The following CPNE4 variants were observed in gnomAD, a reference collection of about 807,000 sequenced individuals.
CPNE4 encodes the protein copine 4, also known as copine-4.
Under a neutral mutation model 67.9 loss-of-function variants are expected in CPNE4, and 25 were observed. The ratio of observed to expected loss-of-function variants is 0.37; its 90% confidence interval spans 0.27 to 0.51. The LOEUF is 0.51. CPNE4 is among the 20% of genes least tolerant of loss of function. The probability of loss-of-function intolerance (pLI) is 0.93; values close to 1 mark genes in which losing one functional copy is unlikely to be tolerated. For synonymous variants in CPNE4, 242 were observed against 244.9 expected, an observed-to-expected ratio of 0.99 and a Z score of 0.11; for missense variants, 464 against 690.8, an observed-to-expected ratio of 0.67 and a Z score of 3.68.
intron 2 of CPNE4, among the ~76,000 whole-genome samples, chr3:131,754,059 G>T (rs2082694264): frequency 6.6e-6 from 1 of 152,098 alleles, no homozygotes; most frequent in Non-Finnish European, 1.5e-5. Context: ...ATAGGCAGGA[G>T]AATAATGGGT....
At chr3:132,030,080 C>T (rs982988777) in intron 1 of CPNE4, among the ~76,000 whole-genome samples, 3 of 151,672 alleles carry the variant, frequency 2.0e-5, no homozygotes, top group Admixed American at 1.3e-4. Flanking sequence ...AAGTCCCAAG[C>T]CTACTCCTCC....
chr3:131,688,885 C>A (rs1168942910), intron 5 of CPNE4, among the ~76,000 whole-genome samples: 1 of 152,094 alleles, frequency 6.6e-6, no homozygotes, highest in Non-Finnish European at 1.5e-5. Context: ...ATTTTGTAAT[C>A]ATGATCTATG....
chr3:131,908,786 C>T lies in CPNE4; in HGVS notation c.-1-3342G>A, dbSNP rs140996621. The stretch of plus-strand genomic sequence containing the variant: ...CTCTGTCAAGGAGACACATAATTCC[C>T]GATTCAAATCCTGACTCCTCCATTC... On this transcript the variant is annotated intron_variant, in intron 1 of 15. Coordinates refer to ENST00000429747, the MANE Select transcript of CPNE4 (RefSeq NM_130808.3). Among the ~76,000 whole-genome samples, 547 of 152,212 alleles carry T rather than the reference C, an allele frequency of 3.6e-3. 5 individuals are homozygous for T. Among genetic ancestry groups the T allele is most frequent in the African/African-American group, 0.012 (511 of 41,558 alleles).
rs544909456 is a variant in CPNE4, at chr3:131,987,672, C to T, written c.-2+46895G>A. 5.3e-5 allele frequency among the ~76,000 whole-genome samples: 8 copies of T among 152,164 alleles called. No individual in the cohort carries two copies. The South Asian group carries it at 1.0e-3, about 20-fold the overall frequency. ...CAAAGTGCTGGGATTAGAATAAATA[C>T]CAGGCACCATGCCCAGCCAAGTTGT... On this transcript the variant is annotated intron_variant, in intron 1 of 15. Coordinates refer to ENST00000429747, the MANE Select transcript of CPNE4 (RefSeq NM_130808.3).
At chr3:132,037,388 G>T (rs967156256), upstream of CPNE4, among the ~76,000 whole-genome samples, 2 of 152,176 alleles carry the variant, frequency 1.3e-5, no homozygotes, top group African/African-American at 4.8e-5. Flanking sequence ...ACATAAAGCA[G>T]AATTTACTTC....
At chr3:131,951,688 G>C (rs533998121) in intron 1 of CPNE4, among the ~76,000 whole-genome samples, 232 of 152,266 alleles carry the variant, frequency 1.5e-3, no homozygotes, top group African/African-American at 3.5e-3. Context: ...TCAGCCTGCC[G>C]AGTGCCTGCG....
chr3:131,744,877 G>A (rs530320590), intron 2 of CPNE4, among the ~76,000 whole-genome samples: 2 of 152,134 alleles, frequency 1.3e-5, no homozygotes, highest in Admixed American at 1.3e-4. Flanking sequence ...TACTGCAGAT[G>A]GGGGGTGTTA....
At chr3:131,803,266 G>A (rs2084195826) in intron 2 of CPNE4, among the ~76,000 whole-genome samples, 2 of 152,198 alleles carry the variant, frequency 1.3e-5, no homozygotes, top group Admixed American at 6.5e-5. Context: ...GACATGAGAT[G>A]TTGCCAGTAT....
chr3:132,022,060 A>T (rs2074010062), intron 1 of CPNE4, among the ~76,000 whole-genome samples: 2 of 152,178 alleles, frequency 1.3e-5, no homozygotes, highest in African/African-American at 2.4e-5. Flanking sequence ...ACTGTCAACC[A>T]TTTCTGCTGA....
upstream of CPNE4, among the ~76,000 whole-genome samples, chr3:132,036,433 A>G (rs536692864): frequency 4.1e-4 from 63 of 152,362 alleles, no homozygotes; most frequent in African/African-American, 1.5e-3. Flanking sequence ...AGTGAGACAC[A>G]GGGACAATTC....
At chr3:131,554,140 C>T (rs1403355237) in intron 12 of CPNE4, among the ~76,000 whole-genome samples, 2 of 152,040 alleles carry the variant, frequency 1.3e-5, no homozygotes, top group African/African-American at 4.8e-5. Context: ...GGTGAAAACT[C>T]AAGAATCCCT....
chr3:131,550,820 G>A (rs1415891988), intron 13 of CPNE4, among the ~76,000 whole-genome samples: 4 of 152,146 alleles, frequency 2.6e-5, no homozygotes, highest in African/African-American at 9.6e-5. Context: ...TTAAAAGGGG[G>A]CTTCCATCCT....
rs188896437 is a variant in CPNE4, at chr3:131,976,248, T to C, written c.-2+58319A>G. Among the ~76,000 whole-genome samples the C allele has an allele frequency of 3.7e-3, 570 of 152,080 alleles. 1 individual carries two copies. Among genetic ancestry groups the C allele is most frequent in the African/African-American group, 0.013 (543 of 41,458 alleles). ...AGCCTGGGCTAGGAGTGAGACTTAC[T>C]TTTGTAGGGTTTAATTTTTTTTTTA... is the stretch of plus-strand genomic sequence containing the variant. On this transcript the variant is annotated intron_variant, in intron 1 of 15. Transcript: ENST00000429747.
At chr3:131,979,573 C>A (rs191561303) in intron 1 of CPNE4, among the ~76,000 whole-genome samples, 1 of 152,018 alleles carries the variant, frequency 6.6e-6, no homozygotes, top group East Asian at 1.9e-4. Flanking sequence ...TATGTGAGGC[C>A]TTATATGTTA....
intron 2 of CPNE4, among the ~76,000 whole-genome samples, chr3:131,885,164 T>G (rs2087829795): frequency 6.6e-6 from 1 of 152,022 alleles, no homozygotes; most frequent in Non-Finnish European, 1.5e-5. Flanking sequence ...AACAATAAGG[T>G]CCAGGCTGAG....
chr3:131,893,099 T>G (rs1266392033), intron 2 of CPNE4, among the ~76,000 whole-genome samples: 1 of 151,996 alleles, frequency 6.6e-6, no homozygotes, highest in Non-Finnish European at 1.5e-5. Context: ...ACTCACCTCA[T>G]TTTTAAAGGC....
chr3:131,976,505 G>A (rs550508700), intron 1 of CPNE4, among the ~76,000 whole-genome samples: 3 of 152,140 alleles, frequency 2.0e-5, no homozygotes, highest in East Asian at 3.9e-4. Context: ...AGAAGAGGAG[G>A]AGAATAGAAG....
intron 1 of CPNE4, among the ~76,000 whole-genome samples, chr3:132,006,583 T>C (rs375825092): frequency 9.2e-5 from 14 of 152,258 alleles, no homozygotes; most frequent in African/African-American, 3.1e-4. Context: ...AATCTTCTGT[T>C]GCCTGAAACT....
At chr3:131,605,021 C>A (rs1939417934) in intron 7 of CPNE4, among the ~76,000 whole-genome samples, 1 of 152,156 alleles carries the variant, frequency 6.6e-6, no homozygotes, top group Admixed American at 6.6e-5. Context: ...CCTCTAAGTA[C>A]ATCTCATTTA....
Sources: gnomAD v4.1 joint callset for allele counts (sites outside exome capture counted in the v4.1 genomes callset) on GRCh38, gnomAD v4.1.1 for gene constraint, MANE v1.5 for transcripts, NCBI Gene and HGNC (gene_info 2026-07-23, HGNC 2026-07-21) for gene names.